Variants in R3HDM2 observed in about 807,000 individuals in gnomAD.
R3HDM2 encodes the protein R3H domain containing 2, also known as R3H domain-containing protein 2.
A neutral mutation model predicts 124.5 loss-of-function variants in R3HDM2; 38 were observed. That is an observed-to-expected ratio of 0.31 (90% confidence interval 0.24 to 0.40). R3HDM2 has a LOEUF of 0.40. Among genes scored for constraint, R3HDM2 ranks in the 10% least tolerant of loss-of-function variants. The probability of loss-of-function intolerance (pLI) is 1.00; values close to 1 mark genes in which losing one functional copy is unlikely to be tolerated. For synonymous variants in R3HDM2, 391 were observed against 448.0 expected, an observed-to-expected ratio of 0.87 and a Z score of 1.61; for missense variants, 869 against 1,236.9, an observed-to-expected ratio of 0.70 and a Z score of 4.46.
intron 1 of R3HDM2, 78 bp downstream of exon 1, chr12:57,430,641 GC>G: frequency 1.0e-6 from 1 of 963,728 alleles, no homozygotes; most frequent in Non-Finnish European, 1.2e-6. Context: ...GCCTCCTCGC[GC>G]CCGCCCGTGC....
At chr12:57,306,942 C>G (rs1027296987) in intron 3 of R3HDM2, among the ~76,000 whole-genome samples, 27 of 152,154 alleles carry the variant, frequency 1.8e-4, no homozygotes, top group African/African-American at 5.8e-4. Context: ...TTGAACCTGG[C>G]AGGCAGAGGT....
At position 57,272,698 on chromosome 12, in the gene R3HDM2, CAT is replaced by C. The variant is rs1384624451; in HGVS notation, c.1345-2706_1345-2705del. 96 of 605,284 alleles carry C rather than the reference CAT, an allele frequency of 1.6e-4. No individual in the cohort carries two copies. The African/African-American group carries it at 1.7e-3, about 11-fold the overall frequency. 37.5% of individuals were successfully genotyped at this position (605,284 alleles called of 1,614,324 possible). On this transcript the variant is annotated intron_variant, in intron 14 of 23. Coordinates refer to ENST00000402412, the MANE Select transcript of R3HDM2 (RefSeq NM_001394031.1). ...GTTAATAATCATAGAAGAAATTTCA[CAT>C]GAGTAGCACGACTGCTGAGCAGGTA...
At chr12:57,413,833 C>T (rs1246469582) in intron 1 of R3HDM2, among the ~76,000 whole-genome samples, 1 of 137,512 alleles carries the variant, frequency 7.3e-6, no homozygotes, top group Admixed American at 8.7e-5. Context: ...AGTCTTAGAT[C>T]TGTAATCCCC....
Position 57,303,260 on chromosome 12 carries a change from C to T in R3HDM2, c.166-43G>A, listed in dbSNP as rs757854402. 1.1e-5 allele frequency: 16 copies of T among 1,449,490 alleles called. No homozygotes were observed. In the South Asian group the frequency reaches 1.3e-4, roughly 12 times the overall value. 89.8% of individuals were successfully genotyped at this position (1,449,490 alleles called of 1,614,324 possible). A position where few individuals can be genotyped will look rare whatever the true frequency, so the allele number is the denominator to read the frequency against. On this transcript the variant is annotated intron_variant, in intron 3 of 23. Coordinates refer to ENST00000402412, the MANE Select transcript of R3HDM2 (RefSeq NM_001394031.1). ...GAAAATATTAAAGGTGGAAGAAAAT[C>T]GACATGTAAGTTAAAAACAATACAT...
chr12:57,258,739 A>C (rs2039843463), intron 20 of R3HDM2, 151 bp downstream of exon 20: 2 of 681,058 alleles, frequency 2.9e-6, no homozygotes, highest in Admixed American at 3.1e-5. Flanking sequence ...TAGGTTCCTT[A>C]AAAGAGGATG....
intron 19 of R3HDM2, among the ~76,000 whole-genome samples, chr12:57,260,263 C>CAAAAAAAAAAAAAAAAAAAAGAAAAAA (rs2040370805): frequency 3.2e-5 from 1 of 31,562 alleles, no homozygotes; most frequent in African/African-American, 1.2e-4. Context: ...GACCCTGCCT[C>CAAAAAAAAAAAAAAAAAAAAGAAAAAA]AAAAAAAAAA....
At chr12:57,386,445 T>C (rs1169664579) in intron 2 of R3HDM2, among the ~76,000 whole-genome samples, 1 of 152,234 alleles carries the variant, frequency 6.6e-6, no homozygotes, top group East Asian at 1.9e-4. Context: ...GTGAGGGGCT[T>C]AGCACCTGGG....
intron 2 of R3HDM2, among the ~76,000 whole-genome samples, chr12:57,351,287 A>G (rs536965991): frequency 5.3e-5 from 8 of 152,186 alleles, no homozygotes; most frequent in Non-Finnish European, 8.8e-5. Flanking sequence ...AAAACTGTCT[A>G]AAGAATGAAA....
At chr12:57,284,679 T>C (rs993747778) in intron 12 of R3HDM2, among the ~76,000 whole-genome samples, 33 of 152,362 alleles carry the variant, frequency 2.2e-4, no homozygotes, top group African/African-American at 7.7e-4. Context: ...TCCATGTTAC[T>C]GTCTGCGAAC....
At chr12:57,381,099 T>G (rs1207372499) in intron 2 of R3HDM2, among the ~76,000 whole-genome samples, 1 of 151,828 alleles carries the variant, frequency 6.6e-6, no homozygotes, top group African/African-American at 2.4e-5. Context: ...AGCGTGGTGG[T>G]GCACACCTGT....
At position 57,430,451 on chromosome 12, in the gene R3HDM2, GGTCACCC is replaced by G. The variant is rs1869533151; in HGVS notation, c.-106+262_-106+268del. 6 of 913,526 alleles carry G rather than the reference GGTCACCC, an allele frequency of 6.6e-6. No homozygotes were observed. The South Asian group carries it at 2.0e-4, about 31-fold the overall frequency. The allele number at this position is 913,526 out of a possible 1,614,324, so 56.6% of individuals were successfully genotyped here. ...CACTGGAAGGGCGCAATAGTTTTTAGGTCACCCCGCAAAGGCCACAGGTGGCGCCACC... is the reference window on the plus strand; with the variant it reads ...CACTGGAAGGGCGCAATAGTTTTTAGCGCAAAGGCCACAGGTGGCGCCACC... On this transcript the variant is annotated intron_variant, in intron 1 of 23. Transcript: ENST00000402412.
chr12:57,392,033 G>A (rs887071135), intron 2 of R3HDM2, among the ~76,000 whole-genome samples: 1 of 152,076 alleles, frequency 6.6e-6, no homozygotes, highest in Non-Finnish European at 1.5e-5. Flanking sequence ...TGTGGTGGTG[G>A]GCACCTGTAA....
At chr12:57,306,239 T>C (rs1247209284) in intron 3 of R3HDM2, among the ~76,000 whole-genome samples, 1 of 152,162 alleles carries the variant, frequency 6.6e-6, no homozygotes, top group Non-Finnish European at 1.5e-5. Flanking sequence ...TATAACATGC[T>C]GAGAAATATT....
chr12:57,430,489 G>GCCC, intron 1 of R3HDM2: 9 of 790,564 alleles, frequency 1.1e-5, no homozygotes, highest in Non-Finnish European at 1.4e-5. Flanking sequence ...CCACCCCCCT[G>GCCC]CCCCCGCACC....
chr12:57,299,567 G>A (rs896738337), intron 5 of R3HDM2, 89 bp from the exon 6 acceptor site: 3 of 1,308,674 alleles, frequency 2.3e-6, no homozygotes, highest in Non-Finnish European at 3.1e-6. Flanking sequence ...AAATCTTGGG[G>A]TGGCAGCTCT....
In R3HDM2 at chr12:57,295,444, G is replaced by A. The variant is rs745415492; in HGVS notation, c.765C>T (p.Phe255=). ...DEKNTEFQQR[F]ILKRDDASMD... ...TACTGGCATCATCTCTCTTGAGAATGAACCTCTGTTGAAATTCTGTATTCT... is the reference window on the plus strand; with the variant it reads ...TACTGGCATCATCTCTCTTGAGAATAAACCTCTGTTGAAATTCTGTATTCT... The change falls in exon 10 of 24, where the codon TTC becomes TTT. Residue 255 remains phenylalanine, a synonymous_variant. Coordinates refer to ENST00000402412, the MANE Select transcript of R3HDM2 (RefSeq NM_001394031.1). The A allele has an allele frequency of 6.4e-7, 1 of 1,551,770 alleles. No homozygotes were observed. The highest frequency in any genetic ancestry group is 8.7e-7 in the Non-Finnish European group (1 of 1,147,016).
chr12:57,317,612 G>C (rs2055368745), intron 2 of R3HDM2, among the ~76,000 whole-genome samples: 1 of 127,356 alleles, frequency 7.9e-6, no homozygotes, highest in South Asian at 2.7e-4. Context: ...AGTTTATTAT[G>C]TCAGAATCCT....
chr12:57,400,686 T>C (rs906191890), intron 1 of R3HDM2, among the ~76,000 whole-genome samples: 5 of 152,172 alleles, frequency 3.3e-5, no homozygotes, highest in African/African-American at 9.7e-5. Flanking sequence ...TCTGACTTCA[T>C]GGAGCAACTA....
At chr12:57,389,093 A>T (rs1450446363) in intron 2 of R3HDM2, among the ~76,000 whole-genome samples, 1 of 152,210 alleles carries the variant, frequency 6.6e-6, no homozygotes. Context: ...TCCAGAGGAA[A>T]TGCAAACAAG....
Sources: allele counts gnomAD v4.1 joint callset (sites outside exome capture counted in the v4.1 genomes callset), GRCh38; gene constraint gnomAD v4.1.1; transcripts MANE v1.5; gene names NCBI Gene and HGNC (gene_info 2026-07-23, HGNC 2026-07-21).